Variants in SVEP1 observed in about 807,000 individuals in gnomAD.
The protein encoded by SVEP1 is sushi, von Willebrand factor type A, EGF and pentraxin domain containing 1, also known as sushi, von Willebrand factor type A, EGF and pentraxin domain-containing protein 1.
In SVEP1, 164 loss-of-function variants were observed where a neutral mutation model predicts 367.3. That is an observed-to-expected ratio of 0.45 (90% CI 0.39 to 0.51). The LOEUF is 0.51. Among genes scored for constraint, SVEP1 ranks in the 20% least tolerant of loss-of-function variants. The pLI is 0.00. For synonymous variants in SVEP1, 1,666 were observed against 1,611.6 expected (o/e 1.03, Z -0.81); for missense variants, 4,117 against 4,425.3 (o/e 0.93, Z 1.98).
In SVEP1 at chr9:110,401,821, G is replaced by C. The variant is rs531479569; in HGVS notation, c.9667-812C>G. On this transcript the variant is annotated intron_variant, in intron 39 of 47. Transcript: ENST00000374469. Reference sequence around the variant, plus strand: ...TGTTGGGTAAGGTGAGGCACACACAGATATATCTCTTGAAGATTGTTATTC... The same window carrying C: ...TGTTGGGTAAGGTGAGGCACACACACATATATCTCTTGAAGATTGTTATTC... 3.9e-5 allele frequency among the ~76,000 whole-genome samples: 6 copies of C among 152,016 alleles called. No individual in the cohort carries two copies. The South Asian group carries it at 1.2e-3, about 32-fold the overall frequency.
At chr9:110,560,139 T>C (rs988732889) in intron 1 of SVEP1, among the ~76,000 whole-genome samples, 2 of 152,212 alleles carry the variant, frequency 1.3e-5, no homozygotes, top group African/African-American at 2.4e-5. Context: ...GCCTTTTCTA[T>C]AGCTATGTTG....
chr9:110,562,311 T>A (rs1389419938), intron 1 of SVEP1, among the ~76,000 whole-genome samples: 1 of 152,080 alleles, frequency 6.6e-6, no homozygotes, highest in Non-Finnish European at 1.5e-5. Context: ...AAATGCTAAT[T>A]TATTACAGGA....
chr9:110,400,706 C>T (rs1350792922), intron 40 of SVEP1, 148 bp downstream of exon 40: 14 of 917,028 alleles, frequency 1.5e-5, no homozygotes, highest in East Asian at 1.4e-4. Flanking sequence ...TTAAATATTT[C>T]TTGGAAAATG....
chr9:110,407,806 C>T lies in SVEP1; in HGVS notation c.7794G>A (p.Glu2598=). The T allele has an allele frequency of 6.2e-7, 1 of 1,614,026 alleles. No individual in the cohort carries two copies. Among genetic ancestry groups the T allele is most frequent in the Non-Finnish European group, 8.5e-7 (1 of 1,179,906 alleles). The stretch of plus-strand genomic sequence containing the variant: ...TTGGGATGGAACTTGACCATCCTGA[C>T]TCTTCACAGGTCTGCATGGCATGAC... ...VAGHAMQTCE[E]SGWSSSIPTC... The change falls in exon 38 of 48, where the codon GAG becomes GAA. Residue 2598 remains glutamate, a synonymous_variant. Coordinates refer to ENST00000374469, the MANE Select transcript of SVEP1 (RefSeq NM_153366.4).
rs368531034 is a variant in SVEP1 at position 110,407,570 on chromosome 9, T to G, written c.8030A>C (p.Tyr2677Ser). ...ACAGGTGTATGAAACCATGGTACCA[T>G]ACAGAAAGTTTGATGAATGTGTAGC... The part of the protein sequence containing the change: ...SPATHSSNFL[Y>S]GTMVSYTCNP... The change falls in exon 38 of 48, where the codon TAT becomes TCT. Residue 2677 changes from tyrosine to serine, a missense_variant. Tyr to Ser is a moderately radical substitution (Grantham distance 144, BLOSUM62 -2). Coordinates refer to ENST00000374469, the MANE Select transcript of SVEP1 (RefSeq NM_153366.4). 6.2e-7 allele frequency: 1 copy of G among 1,614,008 alleles called. No homozygotes were observed. The highest frequency in any genetic ancestry group is 8.5e-7 in the Non-Finnish European group (1 of 1,179,884).
intron 1 of SVEP1, among the ~76,000 whole-genome samples, chr9:110,554,218 T>C (rs1001473690): frequency 6.6e-6 from 1 of 152,156 alleles, no homozygotes; most frequent in Non-Finnish European, 1.5e-5. Flanking sequence ...CCTTTTTTTC[T>C]CTCTATTAAA....
chr9:110,488,013 C>T (rs1465818141), intron 9 of SVEP1, among the ~76,000 whole-genome samples: 1 of 152,096 alleles, frequency 6.6e-6, no homozygotes. Flanking sequence ...GTAAACCAGG[C>T]TCAAAAGATT....
At chr9:110,542,910 C>A (rs1009408739) in intron 3 of SVEP1, among the ~76,000 whole-genome samples, 1 of 150,168 alleles carries the variant, frequency 6.7e-6, no homozygotes, top group Non-Finnish European at 1.5e-5. Context: ...CACATGTATA[C>A]GTATGTAACA....
chr9:110,479,139 C>G (rs146282395), intron 13 of SVEP1, among the ~76,000 whole-genome samples: 1 of 151,908 alleles, frequency 6.6e-6, no homozygotes, highest in South Asian at 2.1e-4. Context: ...AGGCTGGTCT[C>G]GAACTCCTGA....
intron 1 of SVEP1, among the ~76,000 whole-genome samples, chr9:110,551,153 C>T (rs1830281596): frequency 6.6e-6 from 1 of 152,194 alleles, no homozygotes; most frequent in African/African-American, 2.4e-5. Flanking sequence ...AGAGTGACAA[C>T]TGCATCCTAT....
chr9:110,529,254 C>G (rs1402978057), intron 3 of SVEP1, among the ~76,000 whole-genome samples: 1 of 140,122 alleles, frequency 7.1e-6, no homozygotes, highest in East Asian at 2.0e-4. Context: ...ACATCAGTAC[C>G]ATGCTGTTTT....
At chr9:110,389,266 T>C (rs1827585390) in intron 41 of SVEP1, among the ~76,000 whole-genome samples, 1 of 152,098 alleles carries the variant, frequency 6.6e-6, no homozygotes, top group South Asian at 2.1e-4. Context: ...AATTAACTAG[T>C]TTTTAAACAA....
intron 35 of SVEP1, among the ~76,000 whole-genome samples, chr9:110,428,399 A>AACACCCACACACAC (rs1828286050): frequency 8.3e-6 from 1 of 120,178 alleles, no homozygotes; most frequent in Non-Finnish European, 1.7e-5. Flanking sequence ...CCTCTGTTTA[A>AACACCCACACACAC]ACACACACAC....
At chr9:110,378,124 AATC>A (rs143420292) in intron 44 of SVEP1, among the ~76,000 whole-genome samples, 9 of 152,092 alleles carry the variant, frequency 5.9e-5, no homozygotes, top group South Asian at 4.1e-4. Context: ...CTATCTTCTT[AATC>A]ATCATCATCA....
intron 21 of SVEP1, among the ~76,000 whole-genome samples, chr9:110,456,216 G>A (rs568992183): frequency 1.3e-5 from 2 of 152,150 alleles, no homozygotes; most frequent in South Asian, 4.2e-4. Flanking sequence ...CATTACCTGG[G>A]AATGCAATAA....
intron 27 of SVEP1, 179 bp downstream of exon 27, chr9:110,443,366 A>G (rs1398054509): frequency 2.0e-6 from 1 of 508,274 alleles, no homozygotes; most frequent in African/African-American, 2.0e-5. Context: ...CAAACAGCTT[A>G]CTTAGGAAAA....
chr9:110,414,951 A>C (rs1006130011), intron 36 of SVEP1, among the ~76,000 whole-genome samples: 7 of 152,062 alleles, frequency 4.6e-5, no homozygotes, highest in African/African-American at 1.2e-4. Flanking sequence ...TTAGGATTTT[A>C]GGGTGGCAAT....
Position 110,579,669 on chromosome 9 carries a change from A to C in SVEP1, c.-126T>G. On this transcript the variant is annotated 5_prime_UTR_variant, in exon 1 of 48. The change abolishes the stop of an existing upstream ORF in the 5' untranslated region. Coordinates refer to ENST00000374469, the MANE Select transcript of SVEP1 (RefSeq NM_153366.4). The surrounding 1 kb of genome is among the most constrained non-coding windows in gnomAD (Gnocchi z 5.3). The stretch of plus-strand genomic sequence containing the variant: ...GCGCGGGGCAGCGGCCAAGAGCCTC[A>C]GCGCCCTTTCATCTGACACTGGGGA... The C allele has an allele frequency of 8.4e-7, 1 of 1,196,260 alleles. No homozygotes were observed. Among genetic ancestry groups the C allele is most frequent in the Non-Finnish European group, 1.1e-6 (1 of 903,496 alleles). The allele number at this position is 1,196,260 out of a possible 1,614,324, so 74.1% of individuals were successfully genotyped here.
chr9:110,403,305 T>TG (rs1827895782), intron 39 of SVEP1, among the ~76,000 whole-genome samples: 1 of 128,346 alleles, frequency 7.8e-6, no homozygotes, highest in Admixed American at 7.9e-5. Context: ...CGTTTTTTTT[T>TG]TTTTTTTTTT....
Sources: allele counts gnomAD v4.1 joint callset (sites outside exome capture counted in the v4.1 genomes callset), GRCh38; gene constraint gnomAD v4.1.1; non-coding constraint Gnocchi (gnomAD v3.1); transcripts MANE v1.5; gene names NCBI Gene and HGNC (gene_info 2026-07-23, HGNC 2026-07-21).